COL8A1: variants seen among roughly 807,000 people sequenced by gnomAD.
COL8A1 encodes the protein collagen type VIII alpha 1 chain, also known as collagen alpha-1(VIII) chain.
A neutral mutation model predicts 42.7 loss-of-function variants in COL8A1; 21 were observed. That is an observed-to-expected ratio of 0.49 (90% CI 0.35 to 0.71). COL8A1 has a LOEUF of 0.71. Among genes scored for constraint, COL8A1 ranks in the 30% least tolerant of loss-of-function variants. COL8A1 has a pLI of 0.01. For missense variants in COL8A1, 788 were observed against 962.4 expected (o/e 0.82, Z 2.40); for synonymous variants, 367 against 369.1 (o/e 0.99, Z 0.06).
chr3:99,688,725 A>C (rs1939134673), intron 1 of COL8A1, among the ~76,000 whole-genome samples: 1 of 152,168 alleles, frequency 6.6e-6, no homozygotes, highest in Non-Finnish European at 1.5e-5. Context: ...GGCAGCATTA[A>C]AAATTTTGTT....
chr3:99,775,347 T>A (rs1031023038), intron 2 of COL8A1, among the ~76,000 whole-genome samples: 3 of 152,102 alleles, frequency 2.0e-5, no homozygotes, highest in Non-Finnish European at 4.4e-5. Context: ...ATTTGCCCCA[T>A]CCATGTGCAT....
In COL8A1 at chr3:99,794,868, A is replaced by C. The variant is rs1483798669; in HGVS notation, c.967A>C (p.Ile323Leu). The change falls in exon 4 of 4, where the codon ATC becomes CTC. Residue 323 changes from isoleucine to leucine, a missense_variant. Ile to Leu is a conservative substitution (Grantham distance 5). Around this residue, in one of 4 missense-constraint regions of COL8A1, gnomAD observed 421 missense variants for 553.1 expected, o/e 0.76. Coordinates refer to ENST00000652472, the MANE Select transcript of COL8A1 (RefSeq NM_020351.4). The surrounding 1 kb of genome is among the most constrained non-coding windows in gnomAD (Gnocchi z 4.3). ...PGIGKPGQDG[I>L]PGQPGFPGGK... ...AATTGGAAAGCCAGGCCAGGATGGG[A>C]TCCCAGGCCAGCCAGGATTTCCAGG... The C allele has an allele frequency of 6.2e-7, 1 of 1,610,516 alleles. No individual in the cohort carries two copies. The highest frequency in any genetic ancestry group is 1.7e-5 in the Admixed American group (1 of 59,474).
chr3:99,735,564 T>C (rs1375699928), intron 1 of COL8A1, among the ~76,000 whole-genome samples: 2 of 150,842 alleles, frequency 1.3e-5, no homozygotes, highest in African/African-American at 4.9e-5. Flanking sequence ...AGTATTTTAT[T>C]GAGGATTTTT....
chr3:99,648,014 A>G (rs1318337029), intron 1 of COL8A1, among the ~76,000 whole-genome samples: 1 of 152,206 alleles, frequency 6.6e-6, no homozygotes, highest in Admixed American at 6.5e-5. Context: ...ATAGTCATCT[A>G]AAGGAGAAGG....
chr3:99,773,477 G>A (rs1301776235), intron 2 of COL8A1, among the ~76,000 whole-genome samples: 1 of 152,050 alleles, frequency 6.6e-6, no homozygotes, highest in Non-Finnish European at 1.5e-5. Flanking sequence ...ATAAAATGAA[G>A]CCTCAGCTGC....
chr3:99,683,880 T>A (rs1938965910), intron 1 of COL8A1, among the ~76,000 whole-genome samples: 1 of 152,184 alleles, frequency 6.6e-6, no homozygotes, highest in African/African-American at 2.4e-5. Flanking sequence ...GTGACTGGAC[T>A]TTGTCTCTAT....
intron 1 of COL8A1, among the ~76,000 whole-genome samples, chr3:99,654,529 T>A (rs1315764390): frequency 6.6e-6 from 1 of 152,150 alleles, no homozygotes; most frequent in Non-Finnish European, 1.5e-5. Context: ...GGCTCACACC[T>A]GTAATCCCAG....
At chr3:99,750,924 T>C (rs1941134082) in intron 2 of COL8A1, among the ~76,000 whole-genome samples, 1 of 152,206 alleles carries the variant, frequency 6.6e-6, no homozygotes, top group Non-Finnish European at 1.5e-5. Context: ...TCTAATGGCA[T>C]CTACTTAAAA....
intron 1 of COL8A1, among the ~76,000 whole-genome samples, chr3:99,664,848 G>C (rs1938315437): frequency 6.6e-6 from 1 of 152,222 alleles, no homozygotes; most frequent in Non-Finnish European, 1.5e-5. Context: ...CTTCTCTCCA[G>C]GACATAAGTG....
At chr3:99,709,252 C>T (rs1939766571) in intron 1 of COL8A1, among the ~76,000 whole-genome samples, 1 of 152,132 alleles carries the variant, frequency 6.6e-6, no homozygotes, top group East Asian at 1.9e-4. Flanking sequence ...TACCCAGGGC[C>T]TAGGGACCTG....
chr3:99,750,558 C>A (rs946421140), intron 2 of COL8A1, among the ~76,000 whole-genome samples: 2 of 151,952 alleles, frequency 1.3e-5, no homozygotes, highest in African/African-American at 4.8e-5. Context: ...GTGATAAAGA[C>A]AAAATTGTCC....
intron 2 of COL8A1, among the ~76,000 whole-genome samples, chr3:99,768,161 G>A (rs147620608): frequency 1.3e-5 from 2 of 152,184 alleles, no homozygotes; most frequent in Admixed American, 6.5e-5. Context: ...TGGATAAGGG[G>A]CTCCCATAAA....
At chr3:99,690,311 C>A (rs530276664) in intron 1 of COL8A1, among the ~76,000 whole-genome samples, 1 of 152,258 alleles carries the variant, frequency 6.6e-6, no homozygotes, top group African/African-American at 2.4e-5. Flanking sequence ...ATCAGTCAGT[C>A]CTAAATTTAT....
intron 2 of COL8A1, among the ~76,000 whole-genome samples, chr3:99,770,553 T>G (rs793482): frequency 0.39 from 59,371 of 152,034 alleles, 11,876 homozygotes; most frequent in East Asian, 0.49. Flanking sequence ...TGACAGCCAG[T>G]GAATTGGGTT....
At chr3:99,696,626 A>T (rs565234693) in intron 1 of COL8A1, among the ~76,000 whole-genome samples, 1 of 152,228 alleles carries the variant, frequency 6.6e-6, no homozygotes, top group Non-Finnish European at 1.5e-5. Context: ...ATGGCCAGCC[A>T]CTGGTGGGAG....
At chr3:99,764,820 GT>G (rs1248264167) in intron 2 of COL8A1, among the ~76,000 whole-genome samples, 1 of 146,568 alleles carries the variant, frequency 6.8e-6, no homozygotes, top group Non-Finnish European at 1.5e-5. Flanking sequence ...AATTAAATAA[GT>G]TAACCAATAT....
intron 2 of COL8A1, among the ~76,000 whole-genome samples, chr3:99,768,470 C>T (rs1031597438): frequency 1.3e-5 from 2 of 152,172 alleles, no homozygotes; most frequent in Non-Finnish European, 2.9e-5. Context: ...TAGATATCAC[C>T]ATTTTACAGG....
chr3:99,785,471 G>A (rs775776867), intron 2 of COL8A1, among the ~76,000 whole-genome samples: 11 of 152,136 alleles, frequency 7.2e-5, no homozygotes, highest in Non-Finnish European at 1.2e-4. Flanking sequence ...TAAACTTTAG[G>A]AGAATAACAA....
intron 1 of COL8A1, among the ~76,000 whole-genome samples, chr3:99,683,356 A>G (rs1442719800): frequency 6.6e-6 from 1 of 152,228 alleles, no homozygotes; most frequent in Non-Finnish European, 1.5e-5. Flanking sequence ...TAAATAAATG[A>G]AAGTTCTCAG....
Sources: gnomAD v4.1 joint callset for allele counts (sites outside exome capture counted in the v4.1 genomes callset) on GRCh38, gnomAD v4.1.1 for gene constraint, gnomAD v4.1.1 regional missense constraint, Gnocchi (gnomAD v3.1) non-coding constraint, MANE v1.5 for transcripts, NCBI Gene and HGNC (gene_info 2026-07-23, HGNC 2026-07-21) for gene names.